The following ST13 variants were observed in gnomAD, a reference collection of about 807,000 sequenced individuals.
ST13 encodes ST13 Hsp70 interacting protein, also known as hsc70-interacting protein.
ST13 carries 23 observed loss-of-function variants against 56.7 expected under a neutral mutation model. That is an observed-to-expected ratio of 0.41 (90% CI 0.29 to 0.57). The LOEUF is 0.57. Ranked by LOEUF, ST13 falls within the 20% of genes least tolerant of loss-of-function variation. The pLI, the probability that ST13 is intolerant of heterozygous loss-of-function variation, is 0.36. For synonymous variants in ST13, 132 were observed against 142.4 expected, an observed-to-expected ratio of 0.93 and a Z score of 0.52; for missense variants, 369 against 459.9, an observed-to-expected ratio of 0.80 and a Z score of 1.81.
At position 40,825,737 on chromosome 22, in the gene ST13, G is replaced by C. The variant is rs1400606348; in HGVS notation, c.*801C>G. 6.6e-6 allele frequency: 1 copy of C among 151,944 alleles called. No individual in the cohort carries two copies. Among genetic ancestry groups the C allele is most frequent in the African/African-American group, 2.4e-5 (1 of 41,358 alleles). The allele number at this position is 151,944 out of a possible 1,614,324, so 9.4% of individuals were successfully genotyped here. On this transcript the variant is annotated 3_prime_UTR_variant, in exon 12 of 12. Transcript: ENST00000216218. Reference sequence around the variant, plus strand: ...CACAGATTTGGGCAATTTTTGACTAGGAAAGAGAATTTTAAGCATAGAAAT... The same window carrying C: ...CACAGATTTGGGCAATTTTTGACTACGAAAGAGAATTTTAAGCATAGAAAT...
chr22:40,825,279 G>T lies in ST13; in HGVS notation c.*1259C>A, dbSNP rs2145728518. On this transcript the variant is annotated 3_prime_UTR_variant, in exon 12 of 12. Coordinates refer to ENST00000216218, the MANE Select transcript of ST13 (RefSeq NM_003932.5). The stretch of plus-strand genomic sequence containing the variant: ...AACAACTCCACAATGAATAACTGTG[G>T]ATTATCTCATTTATAATTCACATTG... 1 of 152,152 alleles carries T rather than the reference G, an allele frequency of 6.6e-6. No homozygotes were observed. The highest frequency in any genetic ancestry group is 3.4e-3 in the Middle Eastern group (1 of 294). 9.4% of individuals were successfully genotyped at this position (152,152 alleles called of 1,614,324 possible).
Position 40,841,221 on chromosome 22 carries a change from C to G in ST13, c.316-529G>C, listed in dbSNP as rs917295049. ...AAAAAAAGAAAAAAAAAAAAAAAAA[C>G]AAGCTGGGCATGGTGGCACATGCAT... is the stretch of plus-strand genomic sequence containing the variant. On this transcript the variant is annotated intron_variant, in intron 4 of 11. Transcript: ENST00000216218. Among the ~76,000 whole-genome samples, 3 of 132,140 alleles carry G rather than the reference C, an allele frequency of 2.3e-5. No individual in the cohort carries two copies. The South Asian group carries it at 7.1e-4, about 31-fold the overall frequency. 86.7% of individuals were successfully genotyped at this position (132,140 alleles called of 152,430 possible).
At chr22:40,846,893 G>A (rs1601471033) in intron 3 of ST13, among the ~76,000 whole-genome samples, 2 of 152,224 alleles carry the variant, frequency 1.3e-5, no homozygotes, top group Admixed American at 1.3e-4. Context: ...TACTCAGGAG[G>A]CTGAGGCAGG....
At chr22:40,850,152 G>C (rs936060546) in intron 2 of ST13, among the ~76,000 whole-genome samples, 6 of 152,192 alleles carry the variant, frequency 3.9e-5, no homozygotes, top group African/African-American at 1.4e-4. Flanking sequence ...CAGATACTCG[G>C]GAGACTGAAA....
intron 11 of ST13, 107 bp downstream of exon 11, chr22:40,826,989 C>G (rs1678890072): frequency 7.9e-7 from 1 of 1,257,884 alleles, no homozygotes; most frequent in Non-Finnish European, 1.1e-6. Context: ...TATTTGGTAA[C>G]TGTGATAAAT....
chr22:40,847,834 G>C (rs948935101), intron 3 of ST13, among the ~76,000 whole-genome samples: 1 of 152,018 alleles, frequency 6.6e-6, no homozygotes, highest in East Asian at 1.9e-4. Context: ...GGATCACGAG[G>C]TCAGGAGTTC....
intron 1 of ST13, among the ~76,000 whole-genome samples, chr22:40,854,286 T>C (rs568871844): frequency 3.9e-5 from 6 of 152,264 alleles, no homozygotes; most frequent in Non-Finnish European, 7.4e-5. Flanking sequence ...GCCTCAGAGT[T>C]TATAAAAATC....
chr22:40,839,006 A>C (rs562278697), intron 5 of ST13, among the ~76,000 whole-genome samples: 1 of 152,296 alleles, frequency 6.6e-6, no homozygotes, highest in South Asian at 2.1e-4. Flanking sequence ...CAGGTCTATA[A>C]TCCTCTGATG....
intron 8 of ST13, among the ~76,000 whole-genome samples, chr22:40,831,542 TAAGA>T (rs1257877707): frequency 6.6e-6 from 1 of 152,246 alleles, no homozygotes; most frequent in Non-Finnish European, 1.5e-5. Flanking sequence ...AAAATACATT[TAAGA>T]GATTCATATT....
intron 1 of ST13, 82 bp downstream of exon 1, chr22:40,856,349 C>T: frequency 7.9e-7 from 1 of 1,272,366 alleles, no homozygotes; most frequent in Non-Finnish European, 1.1e-6. Flanking sequence ...GCCTCGCCCG[C>T]CGGACCGAGC....
At chr22:40,833,657 C>G (rs1318254276) in intron 7 of ST13, among the ~76,000 whole-genome samples, 3 of 152,008 alleles carry the variant, frequency 2.0e-5, no homozygotes, top group Non-Finnish European at 4.4e-5. Context: ...TGGTGGATCA[C>G]CTGAGGTCAG....
chr22:40,846,439 T>C (rs1171962089), intron 3 of ST13, among the ~76,000 whole-genome samples: 1 of 152,220 alleles, frequency 6.6e-6, no homozygotes, highest in Non-Finnish European at 1.5e-5. Context: ...ATTCAGATTA[T>C]AGCTCAAAGT....
intron 3 of ST13, among the ~76,000 whole-genome samples, chr22:40,847,556 G>GAAAAAAA (rs1177807946): frequency 1.2e-5 from 1 of 83,984 alleles, no homozygotes; most frequent in Non-Finnish European, 2.5e-5. Flanking sequence ...CTCAAAAAAA[G>GAAAAAAA]AAAAAAAAAA....
At chr22:40,826,949 G>C (rs2057731345) in intron 11 of ST13, 147 bp downstream of exon 11, 1 of 1,001,128 alleles carries the variant, frequency 1.0e-6, no homozygotes, top group African/African-American at 1.6e-5. Context: ...TCTGCATAAA[G>C]AAAATAAATG....
At chr22:40,839,683 C>T (rs146275772) in intron 5 of ST13, among the ~76,000 whole-genome samples, 3 of 147,782 alleles carry the variant, frequency 2.0e-5, no homozygotes, top group African/African-American at 7.5e-5. Context: ...GAGAATTGCT[C>T]GACTTGGGGT....
intron 3 of ST13, 68 bp from the exon 4 acceptor site, chr22:40,844,977 T>C: frequency 9.2e-7 from 1 of 1,091,072 alleles, no homozygotes; most frequent in Middle Eastern, 2.1e-4. Flanking sequence ...CCAAGATTAT[T>C]AAAAACTGAC....
At chr22:40,850,770 A>T in intron 2 of ST13, 53 bp downstream of exon 2, 1 of 1,403,376 alleles carries the variant, frequency 7.1e-7, no homozygotes, top group Non-Finnish European at 9.9e-7. Flanking sequence ...AACAACCCCT[A>T]AGAAATCTTA....
At chr22:40,835,377 C>T (rs2057772287) in intron 7 of ST13, 183 bp downstream of exon 7, 1 of 432,874 alleles carries the variant, frequency 2.3e-6, no homozygotes, top group South Asian at 4.8e-5. Flanking sequence ...TTTTAAATTT[C>T]TTTTTTTTTT....
chr22:40,828,686 C>T (rs970816151), intron 10 of ST13, among the ~76,000 whole-genome samples: 6 of 151,852 alleles, frequency 4.0e-5, no homozygotes, highest in African/African-American at 1.5e-4. Context: ...TAAGTAAAGC[C>T]GTTTTAAAGA....
Sources: allele counts gnomAD v4.1 joint callset (sites outside exome capture counted in the v4.1 genomes callset), GRCh38; gene constraint gnomAD v4.1.1; transcripts MANE v1.5; gene names NCBI Gene and HGNC (gene_info 2026-07-23, HGNC 2026-07-21).